The following PCDHGA1 variants were observed in gnomAD, a reference collection of about 807,000 sequenced individuals.
The protein encoded by PCDHGA1 is protocadherin gamma subfamily A, 1.
A neutral mutation model predicts 58.0 loss-of-function variants in PCDHGA1; 32 were observed. The ratio of observed to expected loss-of-function variants is 0.55; its 90% confidence interval spans 0.42 to 0.74. The LOEUF is 0.74. PCDHGA1 is among the 30% of genes least tolerant of loss of function. PCDHGA1 has a pLI of 0.00. For missense variants in PCDHGA1, 1,205 were observed against 1,182.3 expected, an observed-to-expected ratio of 1.02 and a Z score of -0.28; for synonymous variants, 498 against 501.1, an observed-to-expected ratio of 0.99 and a Z score of 0.08.
At chr5:141,503,554 G>A (rs1395044357) in intron 2 of PCDHGA1, among the ~76,000 whole-genome samples, 11 of 149,146 alleles carry the variant, frequency 7.4e-5, no homozygotes, top group East Asian at 3.9e-4. Flanking sequence ...AGCCGAGATC[G>A]CGCCACTGTA....
Position 141,485,267 on chromosome 5 carries a change from C to T in PCDHGA1, c.2422-9540C>T, listed in dbSNP as rs767229426. On this transcript the variant is annotated intron_variant, in intron 1 of 3. Transcript: ENST00000517417. This position sits in a 1 kb window ranked among gnomAD's most constrained non-coding sequence, Gnocchi z 5.7. ...CCTGGGTTACGTTTGTGGGCAGATC[C>T]GCTACCCGGTCCCAGAGGAGTCACA... is the stretch of plus-strand genomic sequence containing the variant. 6.2e-7 allele frequency: 1 copy of T among 1,614,088 alleles called. No homozygotes were observed. Among genetic ancestry groups the T allele is most frequent in the South Asian group, 1.1e-5 (1 of 91,082 alleles).
Position 141,376,600 on chromosome 5 carries a change from G to C in PCDHGA1, c.2421+43495G>C, listed in dbSNP as rs1772879011. ...CTCATCAGCTAGATCGGCTGTTATAGAAGCGAACCTCTTTTGGTACAGGAA... is the reference window on the plus strand; with the variant it reads ...CTCATCAGCTAGATCGGCTGTTATACAAGCGAACCTCTTTTGGTACAGGAA... On this transcript the variant is annotated intron_variant, in intron 1 of 3. Transcript: ENST00000517417. The C allele has an allele frequency of 2.6e-6, 4 of 1,518,830 alleles. No homozygotes were observed. The African/African-American group carries it at 4.2e-5, about 16-fold the overall frequency. The allele number at this position is 1,518,830 out of a possible 1,614,324, so 94.1% of individuals were successfully genotyped here.
intron 1 of PCDHGA1, chr5:141,366,450 TC>T (rs1764566733): frequency 6.2e-7 from 1 of 1,614,230 alleles, no homozygotes; most frequent in Non-Finnish European, 8.5e-7. Flanking sequence ...TTCCTGGCCT[TC>T]GTCATCGTGC....
At chr5:141,348,047 T>A (rs149122674) in intron 1 of PCDHGA1, among the ~76,000 whole-genome samples, 277 of 152,316 alleles carry the variant, frequency 1.8e-3, no homozygotes, top group Middle Eastern at 0.014. Context: ...GGAATAGAAG[T>A]CCCTTCTTTT....
chr5:141,357,649 C>T (rs766421079), intron 1 of PCDHGA1: 1 of 1,609,184 alleles, frequency 6.2e-7, no homozygotes, highest in South Asian at 1.1e-5. Flanking sequence ...TAGATCATAC[C>T]ACACTGAAAT....
chr5:141,336,855 A>G (rs1756640925), intron 1 of PCDHGA1, among the ~76,000 whole-genome samples: 1 of 152,242 alleles, frequency 6.6e-6, no homozygotes, highest in Non-Finnish European at 1.5e-5. Flanking sequence ...AAGGCAGCCC[A>G]CAGAAAGAGA....
Position 141,345,490 on chromosome 5 carries a change from G to A in PCDHGA1, c.2421+12385G>A, listed in dbSNP as rs566166959. ...GACCCAGATAGCAACAACAACGCCC[G>A]CATCACTTATGCATTGACCGAGGAC... On this transcript the variant is annotated intron_variant, in intron 1 of 3. Coordinates refer to ENST00000517417, the MANE Select transcript of PCDHGA1 (RefSeq NM_018912.3). The A allele has an allele frequency of 7.4e-5, 119 of 1,614,020 alleles. 3 individuals carry two copies. In the South Asian group the frequency reaches 1.2e-3, roughly 16 times the overall value.
At chr5:141,430,846 C>A in intron 1 of PCDHGA1, 1 of 1,576,344 alleles carries the variant, frequency 6.3e-7, no homozygotes, top group South Asian at 1.2e-5. Context: ...CCGGATGCAC[C>A]CAGATACGCT....
At chr5:141,375,688 C>T in intron 1 of PCDHGA1, 1 of 1,614,256 alleles carries the variant, frequency 6.2e-7, no homozygotes, top group Non-Finnish European at 8.5e-7. Context: ...TGACAGCCAG[C>T]GACAGCGGGG....
In PCDHGA1 at chr5:141,355,387, G is replaced by C. The variant is rs772142842; in HGVS notation, c.2421+22282G>C. On this transcript the variant is annotated intron_variant, in intron 1 of 3. Transcript: ENST00000517417. The stretch of plus-strand genomic sequence containing the variant: ...GGCGCCCCGGGAGCTGGCGGAGCGC[G>C]GAGTCCGCATCGTCTCCAGAGGTAG... 1.1e-5 allele frequency: 18 copies of C among 1,613,946 alleles called. No homozygotes were observed. Among genetic ancestry groups the C allele is most frequent in the Admixed American group, 6.7e-5 (4 of 60,014 alleles).
chr5:141,352,219 C>G (rs557328770), intron 1 of PCDHGA1: 282 of 1,613,688 alleles, frequency 1.7e-4, no homozygotes, highest in East Asian at 2.9e-4. Context: ...TCTCCGCCAC[C>G]GCCACGCTGC....
At position 141,485,314 on chromosome 5, in the gene PCDHGA1, T is replaced by A. The variant is rs1292296791; in HGVS notation, c.2422-9493T>A. The A allele has an allele frequency of 1.2e-6, 2 of 1,614,150 alleles. No homozygotes were observed. The highest frequency in any genetic ancestry group is 1.7e-6 in the Non-Finnish European group (2 of 1,180,032). ...CACAGGAAGGGACTTTTGTAGGGAA[T>A]GTCGCTCAAGATTTCCTGCTGGATA... On this transcript the variant is annotated intron_variant, in intron 1 of 3. Coordinates refer to ENST00000517417, the MANE Select transcript of PCDHGA1 (RefSeq NM_018912.3). This position sits in a 1 kb window ranked among gnomAD's most constrained non-coding sequence, Gnocchi z 5.7.
At position 141,431,525 on chromosome 5, in the gene PCDHGA1, G is replaced by A. The variant is rs1390184616; in HGVS notation, c.2422-63282G>A. The A allele has an allele frequency of 5.6e-6, 9 of 1,613,956 alleles. No individual in the cohort carries two copies. Among genetic ancestry groups the A allele is most frequent in the Non-Finnish European group, 7.6e-6 (9 of 1,180,044 alleles). ...CCGCGCGAGCGTTCCGGAGAATCTG[G>A]CCTTGGGCACGCAGCTGCTTGTAGT... On this transcript the variant is annotated intron_variant, in intron 1 of 3. Transcript: ENST00000517417. This position sits in a 1 kb window ranked among gnomAD's most constrained non-coding sequence, Gnocchi z 4.8.
At chr5:141,364,275 A>G in intron 1 of PCDHGA1, 2 of 1,515,456 alleles carry the variant, frequency 1.3e-6, no homozygotes, top group South Asian at 2.7e-5. Flanking sequence ...CTTTAGATAA[A>G]TAAGGAAACA....
chr5:141,453,524 C>T (rs1351750021), intron 1 of PCDHGA1, among the ~76,000 whole-genome samples: 1 of 152,060 alleles, frequency 6.6e-6, no homozygotes, highest in Non-Finnish European at 1.5e-5. Flanking sequence ...TCCCCTATAC[C>T]TTCTGCCTCA....
chr5:141,427,481 C>G, intron 1 of PCDHGA1: 2 of 534,060 alleles, frequency 3.7e-6, no homozygotes, highest in Non-Finnish European at 7.2e-6. Flanking sequence ...CCAATAATGA[C>G]TATAAGCTTG....
chr5:141,403,614 G>C (rs772617526), intron 1 of PCDHGA1: 1 of 1,613,860 alleles, frequency 6.2e-7, no homozygotes, highest in Admixed American at 1.7e-5. Context: ...GGCGAGCCGC[G>C]TCGCTCCAGC....
intron 1 of PCDHGA1, chr5:141,388,133 G>C: frequency 6.9e-7 from 1 of 1,450,894 alleles, no homozygotes. Flanking sequence ...AGAGCGGGGA[G>C]TTGCTTGTGA....
chr5:141,340,291 C>G (rs1392893091), intron 1 of PCDHGA1: 8 of 1,614,054 alleles, frequency 5.0e-6, no homozygotes, highest in South Asian at 4.4e-5. Context: ...ACATTTTGCT[C>G]CAGGTGGCAG....
Sources: allele counts gnomAD v4.1 joint callset (sites outside exome capture counted in the v4.1 genomes callset), GRCh38; gene constraint gnomAD v4.1.1; non-coding constraint Gnocchi (gnomAD v3.1); transcripts MANE v1.5; gene names NCBI Gene and HGNC (gene_info 2026-07-23, HGNC 2026-07-21).